Variants in AACS observed in about 807,000 individuals in gnomAD.
AACS encodes the protein acetoacetate-CoA ligase.
AACS carries 69 observed loss-of-function variants against 83.1 expected under a neutral mutation model. The ratio of observed to expected loss-of-function variants is 0.83; its 90% CI spans 0.68 to 1.01. The LOEUF (loss-of-function observed/expected upper bound fraction) is 1.01, where lower values mean the gene tolerates loss of function less well. AACS is among the 50% of genes least tolerant of loss of function. The probability of loss-of-function intolerance (pLI) is 0.00; values close to 1 mark genes in which losing one functional copy is unlikely to be tolerated. For synonymous variants in AACS, 333 were observed against 343.4 expected (o/e 0.97, Z 0.33); for missense variants, 866 against 882.2 (o/e 0.98, Z 0.23).
chr12:125,073,327 T>A lies in AACS; in HGVS notation c.134-549T>A, dbSNP rs562859197. ...ACACCTCCCAACATTATACTGGCCT[T>A]GAGAAGTCATCAACAGACTACCAGT... On this transcript the variant is annotated intron_variant, in intron 1 of 17. Coordinates refer to ENST00000316519, the MANE Select transcript of AACS (RefSeq NM_023928.5). Among the ~76,000 whole-genome samples the A allele has an allele frequency of 3.3e-5, 5 of 152,340 alleles. No individual in the cohort carries two copies. In the South Asian group the frequency reaches 1.0e-3, roughly 32 times the overall value.
rs1477433886 is a variant in AACS, at chr12:125,069,132, C to T, written c.133+3415C>T. 2.0e-5 allele frequency among the ~76,000 whole-genome samples: 3 copies of T among 152,272 alleles called. No homozygotes were observed. In the East Asian group the frequency reaches 5.8e-4, roughly 29 times the overall value. ...CTGGGATTACAGGCGTGAGCCACCG[C>T]GCCCGGCTGTGAGCATTCTTATTGC... is the stretch of plus-strand genomic sequence containing the variant. On this transcript the variant is annotated intron_variant, in intron 1 of 17. Transcript: ENST00000316519.
chr12:125,098,335 AG>A (rs1372015084), intron 5 of AACS, among the ~76,000 whole-genome samples: 1 of 151,664 alleles, frequency 6.6e-6, no homozygotes, highest in African/African-American at 2.4e-5. Flanking sequence ...GTTGAGTCTG[AG>A]TGAGCTGTGA....
rs1957321280 is a variant in AACS at position 125,130,949 on chromosome 12, T to C, written c.1549+1489T>C. On this transcript the variant is annotated intron_variant, in intron 14 of 17. Coordinates refer to ENST00000316519, the MANE Select transcript of AACS (RefSeq NM_023928.5). This position sits in a 1 kb window ranked among gnomAD's most constrained non-coding sequence, Gnocchi z 4.9. ...CTGTTTATCATGGACAAGGTGAACA[T>C]AGGCTGCACTTAGACCCTTCCTCAA... Among the ~76,000 whole-genome samples the C allele has an allele frequency of 6.6e-6, 1 of 152,182 alleles. No homozygotes were observed. The highest frequency in any genetic ancestry group is 6.5e-5 in the Admixed American group (1 of 15,282).
chr12:125,100,652 C>T (rs893496450), intron 5 of AACS, among the ~76,000 whole-genome samples: 1 of 152,218 alleles, frequency 6.6e-6, no homozygotes, highest in African/African-American at 2.4e-5. Context: ...AATTTTATCA[C>T]ACCTCAGGAT....
At chr12:125,108,584 T>C (rs1956882920) in intron 8 of AACS, among the ~76,000 whole-genome samples, 1 of 152,214 alleles carries the variant, frequency 6.6e-6, no homozygotes, top group South Asian at 2.1e-4. Flanking sequence ...AGTCTAACTT[T>C]ATTAAAGCAC....
intron 3 of AACS, among the ~76,000 whole-genome samples, chr12:125,080,211 C>T (rs983344784): frequency 2.6e-5 from 4 of 152,150 alleles, no homozygotes; most frequent in African/African-American, 2.4e-5. Flanking sequence ...GAGAACGCTG[C>T]GTCTCTTTTC....
At chr12:125,128,098 CTAATT>C (rs1183155837) in intron 12 of AACS, 58 bp from the exon 13 acceptor site, 1 of 1,290,706 alleles carries the variant, frequency 7.7e-7, no homozygotes, top group Non-Finnish European at 1.1e-6. Flanking sequence ...TTGTTGCTCA[CTAATT>C]TAACACAATT....
intron 7 of AACS, 82 bp from the exon 8 acceptor site, chr12:125,107,039 G>A: frequency 1.3e-6 from 2 of 1,576,538 alleles, no homozygotes; most frequent in Non-Finnish European, 1.7e-6. Context: ...AGAAACAGAG[G>A]GAAGTGCACG....
intron 4 of AACS, among the ~76,000 whole-genome samples, chr12:125,089,793 A>T (rs1021573790): frequency 1.3e-5 from 2 of 151,322 alleles, no homozygotes; most frequent in African/African-American, 4.9e-5. Flanking sequence ...TCCTCCACCC[A>T]TCATCTACCC....
rs73423563 is a variant in AACS at position 125,129,813 on chromosome 12, C to T, written c.1549+353C>T. On this transcript the variant is annotated intron_variant, in intron 14 of 17. Transcript: ENST00000316519. This position sits in a 1 kb window ranked among gnomAD's most constrained non-coding sequence, Gnocchi z 4.3. ...AAACAGGGTGATGCCTGCCTGTTCA[C>T]GAGGAGTGGCATGTGGAAGTGGCGT... Among the ~76,000 whole-genome samples the T allele has an allele frequency of 0.018, 2,767 of 152,200 alleles. 83 individuals are homozygous for T. Among genetic ancestry groups the T allele is most frequent in the African/African-American group, 0.062 (2,580 of 41,510 alleles).
At position 125,129,471 on chromosome 12, in the gene AACS, G is replaced by A. The variant is rs768649818; in HGVS notation, c.1549+11G>A. The A allele has an allele frequency of 5.0e-6, 8 of 1,612,390 alleles. No individual in the cohort carries two copies. The highest frequency in any genetic ancestry group is 6.8e-6 in the Non-Finnish European group (8 of 1,179,138). On this transcript the variant is annotated intron_variant, in intron 14 of 17. Transcript: ENST00000316519. This position sits in a 1 kb window ranked among gnomAD's most constrained non-coding sequence, Gnocchi z 4.3. Reference sequence around the variant, plus strand: ...TCTCCAAATTCCCAGGTCGGTTGGAGAGATGCAGACAGAGCTGGCCAGCCT... The same window carrying A: ...TCTCCAAATTCCCAGGTCGGTTGGAAAGATGCAGACAGAGCTGGCCAGCCT...
chr12:125,134,266 G>A (rs980022504), intron 15 of AACS, among the ~76,000 whole-genome samples, 194 bp downstream of exon 15: 5 of 152,176 alleles, frequency 3.3e-5, no homozygotes, highest in African/African-American at 7.2e-5. Flanking sequence ...CGGCTGGTGC[G>A]CCATGTTTCC....
intron 3 of AACS, among the ~76,000 whole-genome samples, chr12:125,080,641 C>T (rs201668860): frequency 1.3e-5 from 2 of 151,954 alleles, no homozygotes; most frequent in Non-Finnish European, 2.9e-5. Context: ...CATCTCTTCT[C>T]TTAAGTATTT....
intron 10 of AACS, 72 bp from the exon 11 acceptor site, chr12:125,124,633 A>G (rs1476985517): frequency 1.3e-6 from 2 of 1,575,728 alleles, no homozygotes; most frequent in Non-Finnish European, 1.7e-6. Flanking sequence ...GAAATAAATC[A>G]CTAACTTTAG....
At chr12:125,078,450 G>T (rs1026111845) in intron 3 of AACS, 1 of 398,136 alleles carries the variant, frequency 2.5e-6, no homozygotes, top group Non-Finnish European at 5.0e-6. Context: ...CTGGGGTCAG[G>T]GCTCTGACTG....
At chr12:125,109,781 G>A (rs1446617790) in intron 8 of AACS, among the ~76,000 whole-genome samples, 1 of 152,116 alleles carries the variant, frequency 6.6e-6, no homozygotes, top group African/African-American at 2.4e-5. Flanking sequence ...TTCGTCTTCC[G>A]TGACACTGAC....
At chr12:125,067,512 A>T (rs1347759603) in intron 1 of AACS, among the ~76,000 whole-genome samples, 1 of 151,798 alleles carries the variant, frequency 6.6e-6, no homozygotes, top group African/African-American at 2.4e-5. Context: ...GAAGTGTTGA[A>T]GAGAAGGGAT....
chr12:125,078,116 C>T (rs1410994954), intron 3 of AACS: 2 of 456,118 alleles, frequency 4.4e-6, no homozygotes, highest in African/African-American at 2.0e-5. Flanking sequence ...GAAACCAAAC[C>T]ACTGGAAACA....
intron 8 of AACS, among the ~76,000 whole-genome samples, chr12:125,111,667 G>A (rs183658650): frequency 1.3e-5 from 2 of 152,280 alleles, no homozygotes; most frequent in African/African-American, 4.8e-5. Context: ...TGAGTAGGGT[G>A]GGGTTCTGTT....
Sources: gnomAD v4.1 joint callset for allele counts (sites outside exome capture counted in the v4.1 genomes callset) on GRCh38, gnomAD v4.1.1 for gene constraint, Gnocchi (gnomAD v3.1) non-coding constraint, MANE v1.5 for transcripts, NCBI Gene and HGNC (gene_info 2026-07-23, HGNC 2026-07-21) for gene names.